SELPLG: variants seen among roughly 807,000 people sequenced by gnomAD.
SELPLG encodes P-selectin glycoprotein ligand 1.
Under a neutral mutation model 1.1 loss-of-function variants are expected in SELPLG, and 2 were observed. That is an observed-to-expected ratio of 1.82 (90% confidence interval 0.74 to 5.71). The LOEUF is 5.71. Ranked by LOEUF, SELPLG falls within the 30% of genes most tolerant of loss-of-function variation. The probability of loss-of-function intolerance (pLI) is 0.05; values close to 1 mark genes in which losing one functional copy is unlikely to be tolerated. For missense variants in SELPLG, 478 were observed against 524.7 expected (o/e 0.91, Z 0.87); for synonymous variants, 230 against 221.2 (o/e 1.04, Z -0.35).
intron 1 of SELPLG, chr12:108,631,780 A>G: frequency 9.5e-7 from 1 of 1,053,696 alleles, no homozygotes; most frequent in Non-Finnish European, 1.4e-6. Context: ...TTAGTTGAAC[A>G]ACTGTCTTTA....
Position 108,623,267 on chromosome 12 carries a change from G to T in SELPLG, c.1041C>A (p.Arg347=). ...TACGCACGGGGTACATGTGGCCCTT[G>T]CGGGAGAGGCGGACCGCCAGCACCA... The part of the protein sequence containing the change: ...CTVVLAVRLS[R]KGHMYPVRNY... Residue 347 remains arginine (R), a synonymous_variant, in exon 2 of 2, where the codon CGC becomes CGA. Coordinates refer to ENST00000550948, the MANE Select transcript of SELPLG (RefSeq NM_003006.4). 3.1e-6 allele frequency: 5 copies of T among 1,614,088 alleles called. No individual in the cohort carries two copies. The highest frequency in any genetic ancestry group is 4.2e-6 in the Non-Finnish European group (5 of 1,179,944).
In SELPLG at chr12:108,624,122, C is replaced by A; in HGVS notation, c.186G>T (p.Met62Ile). The change falls in exon 2 of 2, where the codon ATG becomes ATT. Residue 62 changes from methionine to isoleucine, a missense_variant. Transcript: ENST00000550948. ...DFLPETEPPE[M>I]LRNSTDTTPL... is the part of the protein sequence containing the mutation. ...GAGTGGTGTCAGTGCTGTTCCTCAG[C>A]ATTTCTGGAGGCTCCGTTTCTGGCA... 1 of 1,614,042 alleles carries A rather than the reference C, an allele frequency of 6.2e-7. No homozygotes were observed. The highest frequency in any genetic ancestry group is 8.5e-7 in the Non-Finnish European group (1 of 1,180,014).
intron 1 of SELPLG, among the ~76,000 whole-genome samples, chr12:108,627,921 A>C (rs1344824419): frequency 6.6e-6 from 1 of 152,064 alleles, no homozygotes; most frequent in African/African-American, 2.4e-5. Context: ...TCTCTACAAA[A>C]TACAAAAAAT....
rs1158368589 is a variant in SELPLG, at chr12:108,624,030, A to G, written c.278T>C (p.Leu93Pro). 2 of 1,614,234 alleles carry G rather than the reference A, an allele frequency of 1.2e-6. No homozygotes were observed. The highest frequency in any genetic ancestry group is 2.2e-5 in the South Asian group (2 of 91,090). ...CTCTGTGACTGCCCCTCCTGCATCC[A>G]GGCCAGTAGAACGCCTTGCAGCAGG... Reference protein sequence around the residue: ...VEPAARRSTGLDAGGAVTELT... With the variant: ...VEPAARRSTGPDAGGAVTELT... Residue 93 changes from leucine to proline, a missense_variant, in exon 2 of 2, where the codon CTG becomes CCG. By Grantham distance (98) the Leu-to-Pro change is moderately conservative. Transcript: ENST00000550948.
rs1297755734 is a variant in SELPLG at position 108,623,404 on chromosome 12, T to G, written c.904A>C (p.Asn302His). 5 of 1,614,086 alleles carry G rather than the reference T, an allele frequency of 3.1e-6. No homozygotes were observed. The Admixed American group carries it at 6.7e-5, about 22-fold the overall frequency. ...CCCACTGGGTAGTTGACGGACAAAT[T>G]GCTGGCTGCCATGGGAATGCCCTTG... Reference protein sequence around the residue: ...THKGIPMAASNLSVNYPVGAP... With the variant: ...THKGIPMAASHLSVNYPVGAP... The change falls in exon 2 of 2, where the codon AAT (asparagine) becomes CAT (histidine). Residue 302 changes from asparagine to histidine, a missense_variant. Asn to His is a moderately conservative substitution (Grantham distance 68). Transcript: ENST00000550948.
intron 1 of SELPLG, among the ~76,000 whole-genome samples, chr12:108,632,725 A>G (rs2032083431): frequency 6.6e-6 from 1 of 152,056 alleles, no homozygotes; most frequent in Non-Finnish European, 1.5e-5. Flanking sequence ...CATGTTGCCC[A>G]GGTTGGTCTA....
intron 1 of SELPLG, among the ~76,000 whole-genome samples, chr12:108,626,128 C>CTTTTTTT (rs573374699): frequency 4.8e-5 from 6 of 125,744 alleles, no homozygotes; most frequent in South Asian, 2.7e-4. Context: ...GGTTTCTTTT[C>CTTTTTTT]TTTTTTTTTT....
Position 108,623,258 on chromosome 12 carries a change from G to A in SELPLG, c.1050C>T (p.His350=). Residue 350 remains histidine (H), a synonymous_variant, in exon 2 of 2, where the codon CAC becomes CAT. Transcript: ENST00000550948. The part of the protein sequence containing the change: ...VLAVRLSRKG[H]MYPVRNYSPT... Reference sequence around the variant, plus strand: ...GGGAGTAATTACGCACGGGGTACATGTGGCCCTTGCGGGAGAGGCGGACCG... The same window carrying A: ...GGGAGTAATTACGCACGGGGTACATATGGCCCTTGCGGGAGAGGCGGACCG... The A allele has an allele frequency of 6.2e-7, 1 of 1,614,126 alleles. No individual in the cohort carries two copies. The highest frequency in any genetic ancestry group is 8.5e-7 in the Non-Finnish European group (1 of 1,179,976).
Position 108,624,110 on chromosome 12 carries a change from G to A in SELPLG, c.198C>T (p.Ser66=), listed in dbSNP as rs181419331. The A allele has an allele frequency of 8.1e-6, 13 of 1,614,200 alleles. No homozygotes were observed. In the South Asian group the frequency reaches 9.9e-5, roughly 12 times the overall value. Residue 66 remains serine, a synonymous_variant, in exon 2 of 2, where the codon AGC becomes AGT. Coordinates refer to ENST00000550948, the MANE Select transcript of SELPLG (RefSeq NM_003006.4). ...ETEPPEMLRN[S]TDTTPLTGPG... The stretch of plus-strand genomic sequence containing the variant: ...GCCCAGTCAGAGGAGTGGTGTCAGT[G>A]CTGTTCCTCAGCATTTCTGGAGGCT...
chr12:108,629,580 A>C (rs1480578445), intron 1 of SELPLG, among the ~76,000 whole-genome samples: 1 of 152,146 alleles, frequency 6.6e-6, no homozygotes, highest in Non-Finnish European at 1.5e-5. Flanking sequence ...TATGCTGGTG[A>C]TGCCTGTAGT....
rs770186310 is a variant in SELPLG, at chr12:108,623,512, G to A, written c.796C>T (p.Pro266Ser). The A allele has an allele frequency of 1.2e-6, 2 of 1,614,268 alleles. No individual in the cohort carries two copies. The highest frequency in any genetic ancestry group is 1.7e-6 in the Non-Finnish European group (2 of 1,180,052). Residue 266 changes from proline (P) to serine (S), a missense_variant, in exon 2 of 2, where the codon CCC becomes TCC. Pro to Ser is a moderately conservative substitution (Grantham distance 74, BLOSUM62 -1). Transcript: ENST00000550948. ...ATGGACAGGGCCTCTGTGGCACTGG[G>A]TTCTGTGGACAGGGCCTCCATGGCT... The part of the protein sequence containing the change: ...LAAMEALSTE[P>S]SATEALSMEP...
rs546690901 is a variant in SELPLG at position 108,623,837 on chromosome 12, C to T, written c.471G>A (p.Thr157=). The change falls in exon 2 of 2, where the codon ACG becomes ACA. Residue 157 remains threonine, a synonymous_variant. Transcript: ENST00000550948. ...AATEAQTTRL[T]ATEAQTTPLA... Reference sequence around the variant, plus strand: ...GTGGAGTGGTCTGTGCCTCCGTGGCCGTCAGTCGAGTTGTCTGTGCCTCTG... The same window carrying T: ...GTGGAGTGGTCTGTGCCTCCGTGGCTGTCAGTCGAGTTGTCTGTGCCTCTG... 171 of 1,494,792 alleles carry T rather than the reference C, an allele frequency of 1.1e-4. No individual in the cohort carries two copies. The highest frequency in any genetic ancestry group is 3.6e-4 in the Admixed American group (19 of 52,882). The allele number at this position is 1,494,792 out of a possible 1,614,324, so 92.6% of individuals were successfully genotyped here.
In SELPLG at chr12:108,622,144, G is replaced by A. The variant is rs1187773858; in HGVS notation, c.*925C>T. The A allele has an allele frequency of 2.0e-5, 3 of 152,372 alleles. No individual in the cohort carries two copies. The East Asian group carries it at 5.8e-4, about 29-fold the overall frequency. The allele number at this position is 152,372 out of a possible 1,614,324, so 9.4% of individuals were successfully genotyped here. ...GAAGTCAACCTAACAGCCCATGAAAGAGGCTTCCTGGGGGGCCAGGGGCTG... is the reference window on the plus strand; with the variant it reads ...GAAGTCAACCTAACAGCCCATGAAAAAGGCTTCCTGGGGGGCCAGGGGCTG... On this transcript the variant is annotated 3_prime_UTR_variant, in exon 2 of 2. Coordinates refer to ENST00000550948, the MANE Select transcript of SELPLG (RefSeq NM_003006.4).
chr12:108,626,632 G>A (rs980806716), intron 1 of SELPLG, among the ~76,000 whole-genome samples: 2 of 151,978 alleles, frequency 1.3e-5, no homozygotes, highest in Non-Finnish European at 2.9e-5. Context: ...GAGTAGTAGG[G>A]ACTATATGCA....
chr12:108,630,051 C>T (rs1049461300), intron 1 of SELPLG, among the ~76,000 whole-genome samples: 1 of 152,226 alleles, frequency 6.6e-6, no homozygotes, highest in African/African-American at 2.4e-5. Flanking sequence ...CCACCTTCCA[C>T]CTCTCCTCTT....
In SELPLG at chr12:108,624,198, G is replaced by A. The variant is rs1484665067; in HGVS notation, c.110C>T (p.Ala37Val). Residue 37 changes from alanine to valine, a missense_variant, in exon 2 of 2, where the codon GCC becomes GTC. Coordinates refer to ENST00000550948, the MANE Select transcript of SELPLG (RefSeq NM_003006.4). ...EAEKALGPLLARDRRQATEYE... is the reference protein window; with the variant it reads ...EAEKALGPLLVRDRRQATEYE... Reference sequence around the variant, plus strand: ...TTCGGTGGCCTGTCTCCGGTCCCGGGCAAGCAGGGGACCCAAGGCTTTCTC... The same window carrying A: ...TTCGGTGGCCTGTCTCCGGTCCCGGACAAGCAGGGGACCCAAGGCTTTCTC... 5 of 1,614,054 alleles carry A rather than the reference G, an allele frequency of 3.1e-6. No homozygotes were observed. In the Admixed American group the frequency reaches 5.0e-5, roughly 16 times the overall value.
rs57432345 is a variant in SELPLG at position 108,628,318 on chromosome 12, A to AACACACACACACAC, written c.-5-4020_-5-4007dup. ...CTTACAGTAGGTGCTTAATAAATGTAACACACACACACACACACACACACA... is the reference window on the plus strand; with the variant it reads ...CTTACAGTAGGTGCTTAATAAATGTAACACACACACACACACACACACACACACACACACACACA... On this transcript the variant is annotated intron_variant, in intron 1 of 1. Transcript: ENST00000550948. Among the ~76,000 whole-genome samples, 261 of 140,298 alleles carry AACACACACACACAC rather than the reference A, an allele frequency of 1.9e-3. 3 individuals are homozygous for AACACACACACACAC. The highest frequency in any genetic ancestry group is 8.8e-3 in the South Asian group (36 of 4,110). The allele number at this position is 140,298 out of a possible 152,430, so 92.0% of individuals were successfully genotyped here.
At chr12:108,626,315 A>G (rs930082112) in intron 1 of SELPLG, among the ~76,000 whole-genome samples, 1 of 151,566 alleles carries the variant, frequency 6.6e-6, no homozygotes, top group African/African-American at 2.4e-5. Flanking sequence ...TTGTATTTTT[A>G]GTAGAGACGG....
At chr12:108,630,745 G>C (rs2136770130) in intron 1 of SELPLG, among the ~76,000 whole-genome samples, 1 of 152,342 alleles carries the variant, frequency 6.6e-6, no homozygotes, top group South Asian at 2.1e-4. Flanking sequence ...GAAATGCTGA[G>C]TCCTCCCAGA....
Sources: gnomAD v4.1 joint callset for allele counts (sites outside exome capture counted in the v4.1 genomes callset) on GRCh38, gnomAD v4.1.1 for gene constraint, MANE v1.5 for transcripts, NCBI Gene and HGNC (gene_info 2026-07-23, HGNC 2026-07-21) for gene names.